The following TTC28 variants were observed in gnomAD, a reference collection of about 807,000 sequenced individuals.
TTC28 encodes tetratricopeptide repeat protein 28.
TTC28 carries 61 observed loss-of-function variants against 198.0 expected under a neutral mutation model. The ratio of observed to expected loss-of-function variants is 0.31; its 90% CI spans 0.25 to 0.38. TTC28 has a LOEUF of 0.38. Ranked by LOEUF, TTC28 falls within the 10% of genes least tolerant of loss-of-function variation. The probability of loss-of-function intolerance (pLI) is 1.00; values close to 1 mark genes in which losing one functional copy is unlikely to be tolerated. For synonymous variants in TTC28, 1,171 were observed against 1,297.8 expected, an observed-to-expected ratio of 0.90 and a Z score of 2.10; for missense variants, 2,678 against 3,164.0, an observed-to-expected ratio of 0.85 and a Z score of 3.69.
At chr22:28,150,886 T>G (rs1456815382) in intron 6 of TTC28, among the ~76,000 whole-genome samples, 1 of 152,208 alleles carries the variant, frequency 6.6e-6, no homozygotes, top group African/African-American at 2.4e-5. Context: ...AAAGTGGCAG[T>G]ACCCCCAGGA....
At chr22:28,517,967 G>C (rs1434264804) in intron 2 of TTC28, among the ~76,000 whole-genome samples, 1 of 150,986 alleles carries the variant, frequency 6.6e-6, no homozygotes. Context: ...TTACACTCAA[G>C]GTCCCACTAT....
intron 2 of TTC28, among the ~76,000 whole-genome samples, chr22:28,421,754 T>C (rs981464542): frequency 1.3e-5 from 2 of 152,016 alleles, no homozygotes; most frequent in African/African-American, 4.8e-5. Flanking sequence ...GAGACCATCC[T>C]GGCTAACACG....
chr22:28,186,642 A>T (rs1452993701), intron 5 of TTC28, among the ~76,000 whole-genome samples: 1 of 152,218 alleles, frequency 6.6e-6, no homozygotes, highest in Non-Finnish European at 1.5e-5. Flanking sequence ...GGTTCCATTC[A>T]AAGTATCATG....
intron 2 of TTC28, among the ~76,000 whole-genome samples, chr22:28,467,452 A>G (rs937541028): frequency 6.6e-6 from 1 of 152,180 alleles, no homozygotes; most frequent in African/African-American, 2.4e-5. Context: ...ATTTCTAATT[A>G]TTACAATAAT....
Position 28,306,496 on chromosome 22 carries a change from C to G in TTC28, c.529G>C (p.Asp177His). The change falls in exon 3 of 23, where the codon GAC (aspartate) becomes CAC (histidine). Residue 177 changes from aspartate (D) to histidine (H), a missense_variant and splice_region_variant. Physicochemically the swap from Asp to His is moderately conservative, Grantham distance 81. Around this residue, in one of 8 missense-constraint regions of TTC28, gnomAD observed 176 missense variants for 197.9 expected, o/e 0.89. Transcript: ENST00000397906. ...TACCAAGTACTTTTATCATATTTAC[C>G]TCTCATGGGAGATTTCATGGCGGCT... ...VEAAMKSPMR[D>H]SLEPTYQQLQ... The G allele has an allele frequency of 1.3e-6, 2 of 1,548,164 alleles. No homozygotes were observed. The highest frequency in any genetic ancestry group is 1.7e-6 in the Non-Finnish European group (2 of 1,145,882).
At chr22:28,338,742 A>G (rs979700670) in intron 2 of TTC28, among the ~76,000 whole-genome samples, 3 of 151,928 alleles carry the variant, frequency 2.0e-5, no homozygotes, top group Non-Finnish European at 4.4e-5. Flanking sequence ...CCATTTGTCT[A>G]ATTTTTTTTC....
In TTC28 at chr22:28,098,937, C is replaced by T. The variant is rs1942054984; in HGVS notation, c.3525G>A (p.Leu1175=). 2 of 1,551,740 alleles carry T rather than the reference C, an allele frequency of 1.3e-6. No homozygotes were observed. Among genetic ancestry groups the T allele is most frequent in the South Asian group, 2.4e-5 (2 of 84,056 alleles). ...FDLQTSSYQA[L]QRVLVSLGHH... is the part of the protein sequence containing the mutation. ...CACCTAGGCTGACGAGCACCCGCTG[C>T]AAGGCCTGGTAGGATGATGTCTGCA... The change falls in exon 10 of 23, where the codon TTG becomes TTA. Residue 1175 remains leucine, a synonymous_variant. Transcript: ENST00000397906.
chr22:28,048,855 A>T lies in TTC28; in HGVS notation c.3933-18489T>A, dbSNP rs73880379. Reference sequence around the variant, plus strand: ...GACCTAGACTCTCCCTTCTCCATCAACCCTGACCTGCCATGCATGTGAAAA... The same window carrying T: ...GACCTAGACTCTCCCTTCTCCATCATCCCTGACCTGCCATGCATGTGAAAA... On this transcript the variant is annotated intron_variant, in intron 12 of 22. Transcript: ENST00000397906. Among the ~76,000 whole-genome samples, 1,363 of 151,830 alleles carry T rather than the reference A, an allele frequency of 9.0e-3. 21 individuals carry two copies. Among genetic ancestry groups the T allele is most frequent in the African/African-American group, 0.031 (1,290 of 41,390 alleles).
At chr22:28,108,427 G>A (rs758725932) in intron 6 of TTC28, 24 bp from the exon 7 acceptor site, 66 of 1,413,824 alleles carry the variant, frequency 4.7e-5, no homozygotes, top group Non-Finnish European at 6.1e-5. Flanking sequence ...TAAAAGAACA[G>A]ACTAAGACTG....
At chr22:28,559,732 T>C (rs2049840875) in intron 2 of TTC28, among the ~76,000 whole-genome samples, 1 of 152,222 alleles carries the variant, frequency 6.6e-6, no homozygotes, top group Non-Finnish European at 1.5e-5. Flanking sequence ...TTTTTTCTCT[T>C]ACCACATTCG....
At chr22:28,281,187 A>G (rs1299537586) in intron 5 of TTC28, among the ~76,000 whole-genome samples, 1 of 152,106 alleles carries the variant, frequency 6.6e-6, no homozygotes, top group African/African-American at 2.4e-5. Flanking sequence ...TCTCTTTTGC[A>G]TCATTATCTC....
intron 12 of TTC28, among the ~76,000 whole-genome samples, chr22:28,091,445 G>A (rs1036195757): frequency 6.6e-6 from 1 of 152,156 alleles, no homozygotes; most frequent in Admixed American, 6.5e-5. Context: ...TAAGGGAGAG[G>A]CCACCTTCAC....
intron 13 of TTC28, among the ~76,000 whole-genome samples, chr22:28,028,451 G>A (rs570963498): frequency 6.6e-6 from 1 of 152,314 alleles, no homozygotes; most frequent in South Asian, 2.1e-4. Context: ...CCAAGCCTAG[G>A]GTTAATAAGC....
chr22:28,540,189 G>A (rs893227275), intron 2 of TTC28, among the ~76,000 whole-genome samples: 4 of 151,866 alleles, frequency 2.6e-5, no homozygotes, highest in African/African-American at 4.8e-5. Context: ...CTCATGATCC[G>A]CCCATTTCGG....
chr22:28,148,369 T>C (rs980735883), intron 6 of TTC28, among the ~76,000 whole-genome samples: 4 of 152,196 alleles, frequency 2.6e-5, no homozygotes, highest in Non-Finnish European at 5.9e-5. Flanking sequence ...ATCCCAGCAC[T>C]TTGGGAGGCC....
intron 2 of TTC28, among the ~76,000 whole-genome samples, chr22:28,524,028 A>G (rs925849127): frequency 6.6e-6 from 1 of 152,106 alleles, no homozygotes; most frequent in African/African-American, 2.4e-5. Context: ...AGTACTTAGT[A>G]GGAAACCCTG....
intron 2 of TTC28, among the ~76,000 whole-genome samples, chr22:28,551,104 A>G (rs903421121): frequency 2.0e-5 from 3 of 152,126 alleles, no homozygotes; most frequent in Admixed American, 6.5e-5. Context: ...CAGCAACACA[A>G]TAATAGTGAG....
chr22:28,328,172 C>G (rs2045560450), intron 2 of TTC28, among the ~76,000 whole-genome samples: 1 of 152,164 alleles, frequency 6.6e-6, no homozygotes, highest in Non-Finnish European at 1.5e-5. Flanking sequence ...TAGCTCATGT[C>G]TACAATCCCA....
At chr22:28,557,537 A>G (rs1319899003) in intron 2 of TTC28, among the ~76,000 whole-genome samples, 1 of 152,176 alleles carries the variant, frequency 6.6e-6, no homozygotes, top group African/African-American at 2.4e-5. Flanking sequence ...GTCATATTTG[A>G]TACTCTCTTG....
Sources: allele counts gnomAD v4.1 joint callset (sites outside exome capture counted in the v4.1 genomes callset), GRCh38; gene constraint gnomAD v4.1.1; regional missense constraint gnomAD v4.1.1; transcripts MANE v1.5; gene names NCBI Gene and HGNC (gene_info 2026-07-23, HGNC 2026-07-21).